The following MOBP variants were observed in gnomAD, a reference collection of about 807,000 sequenced individuals.
MOBP encodes myelin-associated oligodendrocyte basic protein.
In MOBP, 5 loss-of-function variants were observed where a neutral mutation model predicts 15.0. That is an observed-to-expected ratio of 0.33 (90% CI 0.17 to 0.70). The LOEUF is 0.70. MOBP is among the 30% of genes least tolerant of loss of function. The pLI, the probability that MOBP is intolerant of heterozygous loss-of-function variation, is 0.67. For missense variants in MOBP, 188 were observed against 257.8 expected (o/e 0.73, Z 1.85); for synonymous variants, 88 against 99.0 (o/e 0.89, Z 0.66).
At chr3:39,509,780 C>A (rs185118676) in intron 4 of MOBP, among the ~76,000 whole-genome samples, 1 of 151,994 alleles carries the variant, frequency 6.6e-6, no homozygotes, top group East Asian at 1.9e-4. Flanking sequence ...ATTTTTGATA[C>A]CCCAGTTTCT....
downstream of MOBP, among the ~76,000 whole-genome samples, chr3:39,518,558 T>C (rs1480347359): frequency 6.6e-6 from 1 of 152,310 alleles, no homozygotes; most frequent in East Asian, 1.9e-4. Flanking sequence ...CATTCTCTAT[T>C]AATGAAACCA....
At chr3:39,468,705 CAT>C (rs1491380154) in intron 1 of MOBP, among the ~76,000 whole-genome samples, 39 of 114,640 alleles carry the variant, frequency 3.4e-4, no homozygotes, top group Non-Finnish European at 3.8e-4. Context: ...TACATATATA[CAT>C]ATGTGTGTGT....
downstream of MOBP, among the ~76,000 whole-genome samples, chr3:39,518,361 G>T (rs985977902): frequency 6.6e-6 from 1 of 152,174 alleles, no homozygotes; most frequent in Non-Finnish European, 1.5e-5. Context: ...TTAGTTAGGA[G>T]GTTTAAAATC....
At chr3:39,468,240 C>G (rs2125614027) in intron 1 of MOBP, among the ~76,000 whole-genome samples, 1 of 152,132 alleles carries the variant, frequency 6.6e-6, no homozygotes, top group South Asian at 2.1e-4. Flanking sequence ...AATTCTGCCC[C>G]CTGTAGACCA....
At chr3:39,527,912 A>T (rs1477806269), downstream of MOBP, 1 of 152,188 alleles carries the variant, frequency 6.6e-6, no homozygotes, top group African/African-American at 2.4e-5. Flanking sequence ...AATTGATGGG[A>T]TCTGCACACT....
At chr3:39,473,857 G>A (rs2042504355) in intron 1 of MOBP, among the ~76,000 whole-genome samples, 2 of 152,332 alleles carry the variant, frequency 1.3e-5, no homozygotes, top group East Asian at 1.9e-4. Context: ...ATAAGGTTGT[G>A]TAATAAGGGT....
chr3:39,519,522 T>C (rs1575324405), downstream of MOBP, among the ~76,000 whole-genome samples: 2 of 141,518 alleles, frequency 1.4e-5, no homozygotes, highest in African/African-American at 6.0e-5. Context: ...TTTTTTTTTT[T>C]TCCAATTCTT....
intron 4 of MOBP, among the ~76,000 whole-genome samples, chr3:39,511,741 C>G (rs1478884297): frequency 1.3e-5 from 2 of 152,126 alleles, no homozygotes; most frequent in African/African-American, 4.8e-5. Flanking sequence ...TTACACTCAT[C>G]CCCCCAGGGC....
chr3:39,484,984 CTTCAA>C (rs2042681107), intron 2 of MOBP, among the ~76,000 whole-genome samples: 1 of 152,190 alleles, frequency 6.6e-6, no homozygotes, highest in South Asian at 2.1e-4. Flanking sequence ...CCACATGGGC[CTTCAA>C]AATAATTAAG....
At position 39,502,320 on chromosome 3, in the gene MOBP, T is replaced by A. The variant is rs780297317; in HGVS notation, c.206+45T>A. On this transcript the variant is annotated intron_variant, in intron 3 of 3. Transcript: ENST00000684792. This position sits in a 1 kb window ranked among gnomAD's most constrained non-coding sequence, Gnocchi z 6.3. ...CGCGGCACCAGTTGGGCACAGCGCG[T>A]GGTCTCGGCTCCCAGCACGCCCCTC... 6.2e-7 allele frequency: 1 copy of A among 1,610,618 alleles called. No individual in the cohort carries two copies. Among genetic ancestry groups the A allele is most frequent in the Non-Finnish European group, 8.5e-7 (1 of 1,178,490 alleles).
At chr3:39,475,096 C>G (rs2042527089) in intron 1 of MOBP, among the ~76,000 whole-genome samples, 1 of 152,140 alleles carries the variant, frequency 6.6e-6, no homozygotes, top group African/African-American at 2.4e-5. Context: ...GTGACAATTC[C>G]TCAGTTTTTC....
At chr3:39,513,357 T>C in intron 4 of MOBP, 1 of 1,610,304 alleles carries the variant, frequency 6.2e-7, no homozygotes, top group South Asian at 1.1e-5. Context: ...ATGTCATGTG[T>C]TTTTCTTTTT....
intron 1 of MOBP, among the ~76,000 whole-genome samples, chr3:39,473,750 A>G (rs2042503113): frequency 6.6e-6 from 1 of 152,242 alleles, no homozygotes; most frequent in African/African-American, 2.4e-5. Flanking sequence ...GCATCAAGAA[A>G]GAATACAGAA....
intron 2 of MOBP, among the ~76,000 whole-genome samples, chr3:39,490,742 T>C (rs539154679): frequency 2.6e-5 from 4 of 152,306 alleles, no homozygotes; most frequent in Admixed American, 2.6e-4. Context: ...TTTGTACTTT[T>C]AGTAGAGATG....
downstream of MOBP, among the ~76,000 whole-genome samples, chr3:39,520,770 T>C (rs991390694): frequency 2.0e-5 from 3 of 152,186 alleles, no homozygotes; most frequent in Admixed American, 6.5e-5. Context: ...TGGCTCCTGA[T>C]ACAGTAAACC....
chr3:39,519,052 T>C (rs2043235703), downstream of MOBP, among the ~76,000 whole-genome samples: 1 of 152,172 alleles, frequency 6.6e-6, no homozygotes, highest in African/African-American at 2.4e-5. Context: ...AATCTTTGGG[T>C]TTGCTACCTG....
intron 1 of MOBP, among the ~76,000 whole-genome samples, chr3:39,470,604 A>G (rs1559412897): frequency 6.6e-6 from 1 of 152,236 alleles, no homozygotes; most frequent in Non-Finnish European, 1.5e-5. Flanking sequence ...AGTTAAAAAG[A>G]TGAGCTGAAA....
intron 2 of MOBP, among the ~76,000 whole-genome samples, chr3:39,482,675 C>T (rs1360329810): frequency 2.0e-5 from 3 of 148,504 alleles, no homozygotes; most frequent in East Asian, 2.0e-4. Flanking sequence ...AAAAAAAGCA[C>T]CTCTGACTAT....
chr3:39,517,178 G>A (rs1332256658), downstream of MOBP, among the ~76,000 whole-genome samples: 1 of 152,188 alleles, frequency 6.6e-6, no homozygotes, highest in East Asian at 1.9e-4. Flanking sequence ...TCTTTCTATT[G>A]TAGTAGAGGT....
Sources: allele counts gnomAD v4.1 joint callset (sites outside exome capture counted in the v4.1 genomes callset), GRCh38; gene constraint gnomAD v4.1.1; non-coding constraint Gnocchi (gnomAD v3.1); transcripts MANE v1.5; gene names NCBI Gene and HGNC (gene_info 2026-07-23, HGNC 2026-07-21).